Variants in PDE4C observed in about 807,000 individuals in gnomAD.
The protein encoded by PDE4C is phosphodiesterase 4C.
PDE4C carries 50 observed loss-of-function variants against 63.9 expected under a neutral mutation model. The observed-to-expected ratio is 0.78, with a 90% CI of 0.62 to 0.99. PDE4C has a LOEUF of 0.99. PDE4C is among the 50% of genes least tolerant of loss of function. PDE4C has a pLI of 0.00. For missense variants in PDE4C, 777 were observed against 899.1 expected, an observed-to-expected ratio of 0.86 and a Z score of 1.74; for synonymous variants, 377 against 385.1, an observed-to-expected ratio of 0.98 and a Z score of 0.25.
rs187129042 is a variant in PDE4C, at chr19:18,226,069, A to G, written c.146+201T>C. Among the ~76,000 whole-genome samples, 307 of 152,328 alleles carry G rather than the reference A, an allele frequency of 2.0e-3. 1 individual carries two copies. The highest frequency in any genetic ancestry group is 2.0e-3 in the Non-Finnish European group (135 of 68,016). On this transcript the variant is annotated intron_variant, in intron 1 of 14. Coordinates refer to ENST00000262805, the Ensembl canonical transcript of PDE4C. ...GAGACAGACGGAGACAGAGAGAGAC[A>G]GAGTCACCAACTGCGAGACAAAAGT...
intron 2 of PDE4C, among the ~76,000 whole-genome samples, chr19:18,221,534 T>C (rs1173619902): frequency 1.3e-5 from 2 of 152,176 alleles, no homozygotes; most frequent in Admixed American, 1.3e-4. Context: ...TACGTAGATA[T>C]TTCCCTTTTC....
exon 15 of PDE4C, chr19:18,211,062 T>A (rs1967909718): frequency 2.5e-6 from 4 of 1,614,186 alleles, no homozygotes; most frequent in Non-Finnish European, 3.4e-6. Context: ...TTCCTCCTCA[T>A]CCTCTTCCTC....
Position 18,220,111 on chromosome 19 carries a change from G to GA in PDE4C, c.706+114dup, listed in dbSNP as rs1215028425. On this transcript the variant is annotated intron_variant, in intron 7 of 14. Transcript: ENST00000262805. The surrounding 1 kb of genome is among the most constrained non-coding windows in gnomAD (Gnocchi z 5.1). ...GATCCAGCCCTGACTCATGGGGGCT[G>GA]AAGGTGTCTGTGTCTGGCTGTATCT... The GA allele has an allele frequency of 1.5e-5, 12 of 825,006 alleles. No homozygotes were observed. The African/African-American group carries it at 2.0e-4, about 14-fold the overall frequency. 51.1% of individuals were successfully genotyped at this position (825,006 alleles called of 1,614,324 possible).
At chr19:18,232,033 C>T (rs1255238931) in intron 1 of PDE4C, among the ~76,000 whole-genome samples, 1 of 152,090 alleles carries the variant, frequency 6.6e-6, no homozygotes, top group Non-Finnish European at 1.5e-5. Flanking sequence ...CTCCCCCCAA[C>T]ACTGGAGGCA....
intron 1 of PDE4C, among the ~76,000 whole-genome samples, chr19:18,232,274 G>T (rs1968863574): frequency 6.6e-6 from 1 of 151,882 alleles, no homozygotes; most frequent in Non-Finnish European, 1.5e-5. Flanking sequence ...GAGGTGGGAG[G>T]ATCGCTTGAG....
Position 18,224,226 on chromosome 19 carries a change from G to A in PDE4C, c.147-1903C>T, listed in dbSNP as rs529269756. 6.1e-6 allele frequency: 6 copies of A among 985,526 alleles called. No homozygotes were observed. In the East Asian group the frequency reaches 6.8e-4, roughly 112 times the overall value. The allele number at this position is 985,526 out of a possible 1,614,324, so 61.0% of individuals were successfully genotyped here. On this transcript the variant is annotated intron_variant, in intron 1 of 14. Coordinates refer to ENST00000262805, the Ensembl canonical transcript of PDE4C. ...GGGCAAGAACTGGGGCGCTAGAGAA[G>A]GCGGTGACCTGGGGGTGGGTTTTCA...
At chr19:18,252,838 C>T (rs953932678), upstream of PDE4C, among the ~76,000 whole-genome samples, 2 of 152,190 alleles carry the variant, frequency 1.3e-5, no homozygotes, top group Non-Finnish European at 2.9e-5. Flanking sequence ...AACTTCTGAC[C>T]TCAGATGATC....
chr19:18,232,402 TGTGTGTGC>T (rs1397877824), intron 1 of PDE4C, among the ~76,000 whole-genome samples: 2 of 132,956 alleles, frequency 1.5e-5, no homozygotes, highest in East Asian at 2.1e-4. Flanking sequence ...TGTGTGTGTG[TGTGTGTGC>T]GTGTGTGTGT....
intron 1 of PDE4C, among the ~76,000 whole-genome samples, chr19:18,243,035 G>T (rs1177195491): frequency 6.6e-6 from 1 of 152,130 alleles, no homozygotes; most frequent in East Asian, 1.9e-4. Context: ...GTGGATCTGA[G>T]ATATGTTTTG....
At chr19:18,232,847 A>G (rs1600096765) in intron 1 of PDE4C, 1 of 1,292,988 alleles carries the variant, frequency 7.7e-7, no homozygotes, top group Non-Finnish European at 1.0e-6. Context: ...ACCAAGCAGC[A>G]GAGACCCCCG....
chr19:18,239,596 G>T (rs1046473967), intron 1 of PDE4C, among the ~76,000 whole-genome samples: 1 of 152,192 alleles, frequency 6.6e-6, no homozygotes, highest in Non-Finnish European at 1.5e-5. Context: ...GGAACTCACA[G>T]CTTTGGGGTA....
intron 12 of PDE4C, 95 bp from the exon 13 acceptor site, chr19:18,213,585 C>A (rs2148006517): frequency 1.5e-6 from 2 of 1,333,472 alleles, no homozygotes; most frequent in South Asian, 2.8e-5. Context: ...TCAGACTCAG[C>A]CCTCTGGGCC....
chr19:18,234,098 G>A (rs1038420594), upstream of PDE4C: 5 of 153,082 alleles, frequency 3.3e-5, no homozygotes, highest in African/African-American at 9.7e-5. Context: ...CTACCAGTAG[G>A]GATGGGCAAA....
intron 1 of PDE4C, among the ~76,000 whole-genome samples, chr19:18,243,223 C>A (rs1490971470): frequency 2.4e-4 from 36 of 152,124 alleles, no homozygotes; most frequent in Non-Finnish European, 4.4e-5. Context: ...AATTCTCCTG[C>A]CTCAGCCTCC....
downstream of PDE4C, chr19:18,208,244 G>C (rs1967767363): frequency 6.6e-6 from 1 of 152,258 alleles, no homozygotes; most frequent in Admixed American, 6.5e-5. Context: ...TGCTCTGGAA[G>C]CCGAGGGCGG....
rs142521081 is a variant in PDE4C at position 18,233,158 on chromosome 19, C to T, written c.34G>A (p.Ala12Thr). 1.1e-3 allele frequency: 1,669 copies of T among 1,558,586 alleles called. 12 individuals are homozygous for T. In the African/African-American group the frequency reaches 0.021, roughly 20 times the overall value. ...CGAGAGCGACTCAACCTGCTGCAAGCCTCTGCCCCTTCGCCGACCCCCAGG... is the reference window on the plus strand; with the variant it reads ...CGAGAGCGACTCAACCTGCTGCAAGTCTCTGCCCCTTCGCCGACCCCCAGG... The change falls in exon 1 of 15, where the codon GCT becomes ACT. Residue 12 changes from alanine (A) to threonine (T), a missense_variant. Transcript: ENST00000594465.
chr19:18,221,607 G>GGTTTGTTT (rs112520605), intron 2 of PDE4C, among the ~76,000 whole-genome samples: 3 of 151,228 alleles, frequency 2.0e-5, no homozygotes, highest in Admixed American at 1.3e-4. Flanking sequence ...TGGCCTTAAT[G>GGTTTGTTT]GTTTGTTTGT....
chr19:18,238,967 G>C (rs1016821046), intron 1 of PDE4C, among the ~76,000 whole-genome samples: 2 of 151,572 alleles, frequency 1.3e-5, no homozygotes, highest in African/African-American at 4.9e-5. Flanking sequence ...CTCCAGCCTG[G>C]GTGACAGAGC....
chr19:18,221,823 A>G (rs764463794), intron 2 of PDE4C, among the ~76,000 whole-genome samples: 2 of 152,000 alleles, frequency 1.3e-5, no homozygotes, highest in Non-Finnish European at 2.9e-5. Flanking sequence ...ACAGGGTTTC[A>G]CCATGTTGGC....
Sources: gnomAD v4.1 joint callset for allele counts (sites outside exome capture counted in the v4.1 genomes callset) on GRCh38, gnomAD v4.1.1 for gene constraint, Gnocchi (gnomAD v3.1) non-coding constraint, MANE v1.5 for transcripts, NCBI Gene and HGNC (gene_info 2026-07-23, HGNC 2026-07-21) for gene names.